CA10: variants seen among roughly 807,000 people sequenced by gnomAD.
CA10 encodes the protein carbonic anhydrase-related protein 10.
Under a neutral mutation model 44.2 loss-of-function variants are expected in CA10, and 14 were observed. That is an observed-to-expected ratio of 0.32 (90% CI 0.21 to 0.50). The LOEUF is 0.50. CA10 is among the 20% of genes least tolerant of loss of function. The pLI is 0.99. For synonymous variants in CA10, 159 were observed against 141.6 expected, an observed-to-expected ratio of 1.12 and a Z score of -0.87; for missense variants, 350 against 409.7, an observed-to-expected ratio of 0.85 and a Z score of 1.26.
At position 52,157,529 on chromosome 17, in the gene CA10, AC is replaced by A. The variant is rs368350526; in HGVS notation, c.61+196del. Among the ~76,000 whole-genome samples the A allele has an allele frequency of 3.7e-4, 41 of 110,428 alleles. 1 individual carries two copies. Among genetic ancestry groups the A allele is most frequent in the Non-Finnish European group, 5.3e-4 (29 of 55,228 alleles). 72.4% of individuals were successfully genotyped at this position (110,428 alleles called of 152,430 possible). ...CTAGGACTGCACACAGATCCTAACCACCCCCCCCCGCAAAACACACACATTC... is the reference window on the plus strand; with the variant it reads ...CTAGGACTGCACACAGATCCTAACCACCCCCCCCGCAAAACACACACATTC... On this transcript the variant is annotated intron_variant, in intron 1 of 8. Transcript: ENST00000451037.
intron 3 of CA10, among the ~76,000 whole-genome samples, chr17:51,782,176 C>T (rs980672595): frequency 6.6e-6 from 1 of 152,202 alleles, no homozygotes; most frequent in Non-Finnish European, 1.5e-5. Context: ...ACTTTTGCCC[C>T]GTGGTCATCT....
At chr17:52,009,519 A>G (rs1297857670) in intron 2 of CA10, among the ~76,000 whole-genome samples, 1 of 151,980 alleles carries the variant, frequency 6.6e-6, no homozygotes, top group African/African-American at 2.4e-5. Context: ...ATGTTGCCTT[A>G]CTTCCTTTTA....
chr17:51,958,464 G>A (rs904393157), intron 2 of CA10, among the ~76,000 whole-genome samples: 1 of 152,058 alleles, frequency 6.6e-6, no homozygotes, highest in African/African-American at 2.4e-5. Flanking sequence ...AGGGTGAAAT[G>A]TTTGCTTTTA....
chr17:51,902,526 G>A (rs1981363464), intron 3 of CA10, among the ~76,000 whole-genome samples: 2 of 152,102 alleles, frequency 1.3e-5, no homozygotes, highest in Admixed American at 6.6e-5. Context: ...ACCTGCCAAG[G>A]CCACACAATG....
At chr17:52,129,593 T>G (rs887877943) in intron 1 of CA10, among the ~76,000 whole-genome samples, 2 of 152,208 alleles carry the variant, frequency 1.3e-5, no homozygotes, top group African/African-American at 4.8e-5. Flanking sequence ...AGACTTTCTT[T>G]CATGTGATCC....
At chr17:52,108,186 T>C (rs1988702200) in intron 1 of CA10, among the ~76,000 whole-genome samples, 2 of 47,376 alleles carry the variant, frequency 4.2e-5, no homozygotes, top group Admixed American at 1.9e-4. Context: ...TTTTTATATA[T>C]ATATTTTTTA....
chr17:51,777,582 T>A (rs1905872241), intron 3 of CA10, among the ~76,000 whole-genome samples: 1 of 152,238 alleles, frequency 6.6e-6, no homozygotes, highest in Admixed American at 6.5e-5. Context: ...ATGTGTATAG[T>A]CATCTTAAAT....
chr17:52,087,492 T>A (rs889291576), intron 1 of CA10, among the ~76,000 whole-genome samples: 11 of 152,250 alleles, frequency 7.2e-5, no homozygotes, highest in African/African-American at 2.6e-4. Context: ...GTCAAGAAAG[T>A]AAGATTAGAG....
chr17:51,856,130 TG>T (rs1263550139), intron 3 of CA10, among the ~76,000 whole-genome samples: 1 of 152,184 alleles, frequency 6.6e-6, no homozygotes, highest in African/African-American at 2.4e-5. Context: ...ACCTGTCCCC[TG>T]GACAATCCTG....
chr17:51,694,444 A>G (rs1355833087), intron 4 of CA10, among the ~76,000 whole-genome samples: 2 of 132,084 alleles, frequency 1.5e-5, no homozygotes, highest in African/African-American at 5.8e-5. Flanking sequence ...TCACTTGTAT[A>G]TTTTCTTTTG....
rs374213501 is a variant in CA10, at chr17:52,081,081, C to T, written c.62-8688G>A. ...AAACCCACAATCACTTTTGTGTAAA[C>T]CTAATACATTCTCCGGGAGGGAGAC... On this transcript the variant is annotated intron_variant, in intron 1 of 8. Coordinates refer to ENST00000451037, the MANE Select transcript of CA10 (RefSeq NM_020178.5). Among the ~76,000 whole-genome samples the T allele has an allele frequency of 1.2e-4, 18 of 151,984 alleles. No individual in the cohort carries two copies. In the East Asian group the frequency reaches 2.3e-3, roughly 20 times the overall value.
intron 2 of CA10, among the ~76,000 whole-genome samples, chr17:51,934,823 A>G (rs1180824453): frequency 6.6e-6 from 1 of 152,166 alleles, no homozygotes; most frequent in Non-Finnish European, 1.5e-5. Context: ...TGTTGGGACA[A>G]TAATTAAGAT....
At chr17:51,925,971 C>T (rs1335156627) in intron 3 of CA10, among the ~76,000 whole-genome samples, 2 of 151,990 alleles carry the variant, frequency 1.3e-5, no homozygotes, top group Admixed American at 6.6e-5. Flanking sequence ...TTACTGGGTA[C>T]AGAGTTTCAA....
chr17:51,879,481 G>A (rs1980263604), intron 3 of CA10, among the ~76,000 whole-genome samples: 1 of 152,144 alleles, frequency 6.6e-6, no homozygotes, highest in Non-Finnish European at 1.5e-5. Flanking sequence ...CAGTGGAGCT[G>A]AGCACACTTA....
intron 1 of CA10, among the ~76,000 whole-genome samples, chr17:52,125,367 G>T (rs557334666): frequency 5.9e-5 from 9 of 152,268 alleles, no homozygotes; most frequent in African/African-American, 2.2e-4. Flanking sequence ...CTGAGGTCAC[G>T]GTGACCAGCC....
At chr17:52,071,977 C>T (rs1987691800) in intron 2 of CA10, among the ~76,000 whole-genome samples, 2 of 152,166 alleles carry the variant, frequency 1.3e-5, no homozygotes. Flanking sequence ...CCAGCAGCTC[C>T]ATTGCCATGG....
chr17:52,032,539 G>A (rs1478341778), intron 2 of CA10, among the ~76,000 whole-genome samples: 1 of 151,986 alleles, frequency 6.6e-6, no homozygotes, highest in African/African-American at 2.4e-5. Context: ...CTTCCTCTTG[G>A]CCGGTTGCTC....
chr17:52,074,421 C>T (rs1029833), intron 1 of CA10, among the ~76,000 whole-genome samples: 151,511 of 152,272 alleles, frequency 1, 75,377 homozygotes, highest in South Asian at 1. Context: ...GTTTTCCTTA[C>T]AACAGGCAAA....
In CA10 at chr17:51,717,529, GTATATATATATATA is replaced by G. The variant is rs3031848; in HGVS notation, c.465+30090_465+30103del. On this transcript the variant is annotated intron_variant, in intron 4 of 8. Transcript: ENST00000451037. ...AATCAACAAGTGGATAAAGAAACTGGTATATATATATATATATATATATATATATATAATATTAC... is the reference window on the plus strand; with the variant it reads ...AATCAACAAGTGGATAAAGAAACTGGTATATATATATATATATAATATTAC... Among the ~76,000 whole-genome samples the G allele has an allele frequency of 1.6e-4, 8 of 50,168 alleles. 2 individuals carry two copies. The highest frequency in any genetic ancestry group is 2.9e-4 in the Non-Finnish European group (7 of 24,268). 32.9% of individuals were successfully genotyped at this position (50,168 alleles called of 152,430 possible). A position where few individuals can be genotyped will look rare whatever the true frequency, so the allele number is the denominator to read the frequency against.
Sources: gnomAD v4.1 joint callset for allele counts (sites outside exome capture counted in the v4.1 genomes callset) on GRCh38, gnomAD v4.1.1 for gene constraint, MANE v1.5 for transcripts, NCBI Gene and HGNC (gene_info 2026-07-23, HGNC 2026-07-21) for gene names.